The following GNAI3 variants were observed in gnomAD, a reference collection of about 807,000 sequenced individuals.
The protein encoded by GNAI3 is guanine nucleotide-binding protein G(i) subunit alpha-3.
Under a neutral mutation model 41.8 loss-of-function variants are expected in GNAI3, and 12 were observed. The observed-to-expected ratio is 0.29, with a 90% CI of 0.18 to 0.47. GNAI3 has a LOEUF of 0.47. Ranked by LOEUF, GNAI3 falls within the 20% of genes least tolerant of loss-of-function variation. The pLI, the probability that GNAI3 is intolerant of heterozygous loss-of-function variation, is 1.00. For missense variants in GNAI3, 360 were observed against 429.6 expected, an observed-to-expected ratio of 0.84 and a Z score of 1.43; for synonymous variants, 132 against 146.5, an observed-to-expected ratio of 0.90 and a Z score of 0.71.
At chr1:109,573,082 T>C (rs1438977643) in intron 1 of GNAI3, among the ~76,000 whole-genome samples, 1 of 152,070 alleles carries the variant, frequency 6.6e-6, no homozygotes, top group East Asian at 1.9e-4. Context: ...GGTGGTGTGA[T>C]ATAGGCATCT....
chr1:109,577,526 C>T (rs10857793), intron 3 of GNAI3, among the ~76,000 whole-genome samples: 26,869 of 151,964 alleles, frequency 0.18, 2,566 homozygotes, highest in East Asian at 0.34. Context: ...CCACCCGCCT[C>T]GGCCTCCCAA....
intron 1 of GNAI3, among the ~76,000 whole-genome samples, chr1:109,558,655 G>C (rs535294394): frequency 4.0e-5 from 6 of 151,850 alleles, no homozygotes; most frequent in Non-Finnish European, 8.8e-5. Context: ...CTACTTTTAT[G>C]AGTACCAGAA....
At chr1:109,576,047 C>T (rs1648732591) in intron 3 of GNAI3, among the ~76,000 whole-genome samples, 1 of 152,032 alleles carries the variant, frequency 6.6e-6, no homozygotes, top group Non-Finnish European at 1.5e-5. Flanking sequence ...TATAGCTCCT[C>T]TCTTATTGTC....
At chr1:109,566,883 T>G (rs1648468491) in intron 1 of GNAI3, among the ~76,000 whole-genome samples, 1 of 152,188 alleles carries the variant, frequency 6.6e-6, no homozygotes, top group South Asian at 2.1e-4. Context: ...TTTATAACCT[T>G]ACTCTGAATT....
At position 109,599,854 on chromosome 1, in the gene GNAI3, A is replaced by G. The variant is rs534547788; in HGVS notation, c.*7532A>G. 1 of 152,320 alleles carries G rather than the reference A, an allele frequency of 6.6e-6. No homozygotes were observed. Among genetic ancestry groups the G allele is most frequent in the South Asian group, 2.1e-4 (1 of 4,826 alleles). 9.4% of individuals were successfully genotyped at this position (152,320 alleles called of 1,614,324 possible). The stretch of plus-strand genomic sequence containing the variant: ...TGGGAGGAGCTTAGAAGAACAAGAA[A>G]TTGGCTTTGATTTTATAGTGTATGG... On this transcript the variant is annotated 3_prime_UTR_variant, in exon 9 of 9. Transcript: ENST00000369851.
chr1:109,575,234 C>G (rs147223564), intron 3 of GNAI3, among the ~76,000 whole-genome samples: 1 of 152,284 alleles, frequency 6.6e-6, no homozygotes, highest in East Asian at 1.9e-4. Context: ...TTCCTTCTCT[C>G]ACCCCCTGCT....
Position 109,574,004 on chromosome 1 carries a change from G to A in GNAI3, c.270G>A (p.Arg90=). The A allele has an allele frequency of 6.2e-7, 1 of 1,611,684 alleles. No homozygotes were observed. The highest frequency in any genetic ancestry group is 8.5e-7 in the Non-Finnish European group (1 of 1,178,518). ...TTGCAATCATAAGAGCCATGGGACG[G>A]CTAAAGATTGACTTTGGGGAAGCTG... is the stretch of plus-strand genomic sequence containing the variant. The part of the protein sequence containing the change: ...SIIAIIRAMG[R]LKIDFGEAAR... Residue 90 remains arginine (R), a synonymous_variant, in exon 3 of 9, where the codon CGG becomes CGA. Transcript: ENST00000369851.
At chr1:109,555,967 TGTGTGTG>T in intron 1 of GNAI3, among the ~76,000 whole-genome samples, 1 of 86,696 alleles carries the variant, frequency 1.2e-5, no homozygotes, top group Non-Finnish European at 2.3e-5. Flanking sequence ...TGCGTGCGTG[TGTGTGTG>T]TGTGTGTGTG....
intron 3 of GNAI3, among the ~76,000 whole-genome samples, chr1:109,578,564 C>G (rs999882081): frequency 1.3e-5 from 2 of 151,654 alleles, no homozygotes; most frequent in African/African-American, 2.4e-5. Context: ...TGCTCCCTTC[C>G]TTTCCCTCTC....
intron 1 of GNAI3, among the ~76,000 whole-genome samples, chr1:109,567,008 A>G (rs1406591267): frequency 1.3e-5 from 2 of 152,226 alleles, no homozygotes; most frequent in African/African-American, 4.8e-5. Context: ...GATACTCACA[A>G]TTCTTTTTTC....
At chr1:109,555,972 G>A (rs1160202582) in intron 1 of GNAI3, among the ~76,000 whole-genome samples, 12 of 147,660 alleles carry the variant, frequency 8.1e-5, no homozygotes, top group African/African-American at 3.0e-4. Flanking sequence ...GCGTGTGTGT[G>A]TGTGTGTGTG....
At chr1:109,586,994 CA>C in intron 7 of GNAI3, 112 bp downstream of exon 7, 2 of 725,360 alleles carry the variant, frequency 2.8e-6, no homozygotes, top group South Asian at 3.2e-5. Context: ...GGAGAGTATT[CA>C]GTGGTAGTGG....
At chr1:109,569,793 G>A (rs1300493109) in intron 1 of GNAI3, among the ~76,000 whole-genome samples, 1 of 151,740 alleles carries the variant, frequency 6.6e-6, no homozygotes, top group Non-Finnish European at 1.5e-5. Flanking sequence ...GAGAGAGGTA[G>A]GGCAACAGAG....
chr1:109,559,138 A>G (rs1286351622), intron 1 of GNAI3, among the ~76,000 whole-genome samples: 1 of 152,028 alleles, frequency 6.6e-6, no homozygotes, highest in Non-Finnish European at 1.5e-5. Context: ...AGATTGTGGC[A>G]CTGCACTCCA....
At chr1:109,553,831 T>A (rs909704326) in intron 1 of GNAI3, among the ~76,000 whole-genome samples, 2 of 152,198 alleles carry the variant, frequency 1.3e-5, no homozygotes, top group African/African-American at 4.8e-5. Flanking sequence ...CTGTACCCAA[T>A]GTATAGTCCT....
At chr1:109,591,601 A>G (rs1649173731) in intron 7 of GNAI3, 1 of 491,486 alleles carries the variant, frequency 2.0e-6, no homozygotes, top group Non-Finnish European at 3.7e-6. Flanking sequence ...TCTTCTCTGT[A>G]TTGTTCCAAT....
intron 7 of GNAI3, among the ~76,000 whole-genome samples, chr1:109,591,796 G>T (rs1649179418): frequency 6.6e-6 from 1 of 152,132 alleles, no homozygotes; most frequent in African/African-American, 2.4e-5. Flanking sequence ...AAATGAAAAG[G>T]TAAAGAGAAA....
chr1:109,573,068 A>G (rs1648650885), intron 1 of GNAI3, among the ~76,000 whole-genome samples: 3 of 152,014 alleles, frequency 2.0e-5, no homozygotes, highest in Non-Finnish European at 4.4e-5. Context: ...TTTGAGAGAG[A>G]GGAGGTGGTG....
intron 7 of GNAI3, among the ~76,000 whole-genome samples, chr1:109,587,213 T>C (rs7355157): frequency 0.18 from 26,684 of 151,912 alleles, 2,543 homozygotes; most frequent in East Asian, 0.34. Flanking sequence ...AGCCCAAGAG[T>C]TTGAGATCAG....
Sources: allele counts gnomAD v4.1 joint callset (sites outside exome capture counted in the v4.1 genomes callset), GRCh38; gene constraint gnomAD v4.1.1; transcripts MANE v1.5; gene names NCBI Gene and HGNC (gene_info 2026-07-23, HGNC 2026-07-21).